Variants in CAPZB observed in about 807,000 individuals in gnomAD.
CAPZB encodes the protein capping actin protein of muscle Z-line subunit beta.
Under a neutral mutation model 38.1 loss-of-function variants are expected in CAPZB, and 2 were observed. That is an observed-to-expected ratio of 0.05 (90% CI 0.02 to 0.17). The LOEUF (loss-of-function observed/expected upper bound fraction) is 0.17, where lower values mean the gene tolerates loss of function less well. Ranked by LOEUF, CAPZB falls within the 10% of genes least tolerant of loss-of-function variation. The pLI is 1.00. For synonymous variants in CAPZB, 107 were observed against 127.4 expected, an observed-to-expected ratio of 0.84 and a Z score of 1.08; for missense variants, 161 against 334.2, an observed-to-expected ratio of 0.48 and a Z score of 4.04.
chr1:19,409,475 TTG>T (rs2094348134), intron 2 of CAPZB, among the ~76,000 whole-genome samples: 1 of 152,170 alleles, frequency 6.6e-6, no homozygotes, highest in South Asian at 2.1e-4. Context: ...TATTAGGCGT[TTG>T]TGTTTCTTCC....
intron 1 of CAPZB, among the ~76,000 whole-genome samples, chr1:19,463,380 A>G (rs975447716): frequency 1.3e-5 from 2 of 152,248 alleles, no homozygotes; most frequent in African/African-American, 4.8e-5. Flanking sequence ...AGAGTGCCAT[A>G]AAAGACTGGG....
rs184609809 is a variant in CAPZB at position 19,339,090 on chromosome 1, A to C, written c.*440T>G. 3.0e-3 allele frequency: 493 copies of C among 165,496 alleles called. 1 individual carries two copies. The highest frequency in any genetic ancestry group is 0.011 in the African/African-American group (459 of 41,134). 10.3% of individuals were successfully genotyped at this position (165,496 alleles called of 1,614,324 possible). A position where few individuals can be genotyped will look rare whatever the true frequency, so the allele number is the denominator to read the frequency against. On this transcript the variant is annotated 3_prime_UTR_variant, in exon 9 of 9. Transcript: ENST00000264202. ...GACCCCCAACCCCAAGCAACTCCCA[A>C]ACACACACGGAATAAGATTTCCAGT...
At chr1:19,474,333 T>C (rs1480647298) in intron 1 of CAPZB, among the ~76,000 whole-genome samples, 2 of 152,154 alleles carry the variant, frequency 1.3e-5, no homozygotes, top group African/African-American at 2.4e-5. Context: ...TGGACTACCC[T>C]GGAAGAGGAC....
At chr1:19,441,471 G>C (rs578077235) in intron 1 of CAPZB, among the ~76,000 whole-genome samples, 1 of 152,230 alleles carries the variant, frequency 6.6e-6, no homozygotes, top group Non-Finnish European at 1.5e-5. Flanking sequence ...TTGGCCTCAG[G>C]GGAGTGAGGT....
intron 1 of CAPZB, among the ~76,000 whole-genome samples, chr1:19,468,272 T>TA (rs2094574929): frequency 6.6e-6 from 1 of 152,234 alleles, no homozygotes; most frequent in African/African-American, 2.4e-5. Context: ...ATAATAAACA[T>TA]ACTGCTTTTA....
intron 1 of CAPZB, chr1:19,424,337 C>T (rs917091485): frequency 9.9e-5 from 15 of 152,120 alleles, no homozygotes; most frequent in Admixed American, 9.8e-4. Context: ...TTATGATTAT[C>T]AGATATCTAA....
At chr1:19,422,029 A>C (rs2094403220) in intron 1 of CAPZB, among the ~76,000 whole-genome samples, 2 of 152,024 alleles carry the variant, frequency 1.3e-5, no homozygotes, top group South Asian at 2.1e-4. Context: ...GTTCAAACTC[A>C]ATACAAAGCT....
intron 2 of CAPZB, among the ~76,000 whole-genome samples, chr1:19,391,420 C>G (rs2094234094): frequency 6.6e-6 from 1 of 152,114 alleles, no homozygotes; most frequent in African/African-American, 2.4e-5. Context: ...GAGCCCACCA[C>G]CAGCAAGATA....
intron 2 of CAPZB, among the ~76,000 whole-genome samples, chr1:19,388,522 A>T (rs1302194751): frequency 6.6e-6 from 1 of 152,220 alleles, no homozygotes; most frequent in Admixed American, 6.5e-5. Context: ...TCCAGAACTA[A>T]ATCTGAATGG....
intron 2 of CAPZB, among the ~76,000 whole-genome samples, chr1:19,414,702 C>T (rs1286464912): frequency 6.6e-6 from 1 of 152,136 alleles, no homozygotes; most frequent in Non-Finnish European, 1.5e-5. Context: ...CAAAATACAC[C>T]CCAGCTGAGA....
intron 1 of CAPZB, among the ~76,000 whole-genome samples, chr1:19,438,437 G>A (rs1055880615): frequency 3.9e-5 from 6 of 152,080 alleles, no homozygotes; most frequent in Non-Finnish European, 7.4e-5. Context: ...AACAGATCTG[G>A]GAAAGCAGGT....
At chr1:19,349,822 G>A (rs777273842) in intron 6 of CAPZB, among the ~76,000 whole-genome samples, 39 of 152,098 alleles carry the variant, frequency 2.6e-4, no homozygotes, top group Non-Finnish European at 5.0e-4. Flanking sequence ...CACAGGGCTC[G>A]GTGCACCCGG....
At chr1:19,451,899 T>C (rs926268556) in intron 1 of CAPZB, among the ~76,000 whole-genome samples, 3 of 152,152 alleles carry the variant, frequency 2.0e-5, no homozygotes, top group African/African-American at 4.8e-5. Flanking sequence ...GTGCCAATAA[T>C]AATGCTATGA....
chr1:19,390,862 G>C (rs185811363), intron 2 of CAPZB, among the ~76,000 whole-genome samples: 4 of 152,304 alleles, frequency 2.6e-5, no homozygotes, highest in Admixed American at 2.0e-4. Context: ...CACTATGCTA[G>C]CAGCTCTCCC....
At chr1:19,383,983 G>A (rs1370717306) in intron 3 of CAPZB, among the ~76,000 whole-genome samples, 1 of 152,132 alleles carries the variant, frequency 6.6e-6, no homozygotes, top group Non-Finnish European at 1.5e-5. Context: ...TGGTCTGAAG[G>A]AGGGCAAAAT....
chr1:19,394,032 G>A (rs765879136), intron 2 of CAPZB, among the ~76,000 whole-genome samples: 4 of 152,242 alleles, frequency 2.6e-5, no homozygotes, highest in African/African-American at 7.2e-5. Flanking sequence ...ACGAAGTCTC[G>A]CTCTGTTGCC....
chr1:19,373,253 G>A (rs1235541922), intron 4 of CAPZB, among the ~76,000 whole-genome samples: 2 of 152,226 alleles, frequency 1.3e-5, no homozygotes, highest in Admixed American at 6.5e-5. Context: ...ACCCCTACTC[G>A]CCTTTTGCCC....
intron 1 of CAPZB, among the ~76,000 whole-genome samples, chr1:19,472,969 G>A (rs6687640): frequency 0.047 from 7,175 of 151,956 alleles, 275 homozygotes; most frequent in African/African-American, 0.11. Flanking sequence ...CGCCCGCCTC[G>A]GCCTCCCAAA....
chr1:19,371,316 G>GT (rs1203123136), intron 4 of CAPZB, among the ~76,000 whole-genome samples: 1 of 152,220 alleles, frequency 6.6e-6, no homozygotes, highest in Non-Finnish European at 1.5e-5. Flanking sequence ...CGCACAGAAT[G>GT]TAAGATGCAG....
Sources: allele counts gnomAD v4.1 joint callset (sites outside exome capture counted in the v4.1 genomes callset), GRCh38; gene constraint gnomAD v4.1.1; transcripts MANE v1.5; gene names NCBI Gene and HGNC (gene_info 2026-07-23, HGNC 2026-07-21).